The following LINGO2 variants were observed in gnomAD, a reference collection of about 807,000 sequenced individuals.
LINGO2 encodes leucine rich repeat and Ig domain containing 2.
Under a neutral mutation model 30.6 loss-of-function variants are expected in LINGO2, and 14 were observed. The ratio of observed to expected loss-of-function variants is 0.46; its 90% CI spans 0.30 to 0.72. LINGO2 has a LOEUF of 0.72. LINGO2 is among the 30% of genes least tolerant of loss of function. LINGO2 has a pLI of 0.07. For missense variants in LINGO2, 729 were observed against 751.7 expected, an observed-to-expected ratio of 0.97 and a Z score of 0.35; for synonymous variants, 317 against 288.5, an observed-to-expected ratio of 1.10 and a Z score of -1.00.
At chr9:28,454,377 A>G (rs1824762214) in intron 2 of LINGO2, among the ~76,000 whole-genome samples, 1 of 152,012 alleles carries the variant, frequency 6.6e-6, no homozygotes, top group African/African-American at 2.4e-5. Flanking sequence ...ACACAAACAC[A>G]GGCCACCTTC....
intron 1 of LINGO2, among the ~76,000 whole-genome samples, chr9:28,594,455 G>A (rs1185552246): frequency 2.6e-5 from 4 of 151,966 alleles, no homozygotes; most frequent in African/African-American, 9.7e-5. Flanking sequence ...CAAACTGCTT[G>A]CAAATACACT....
At chr9:28,922,307 A>G in the LINGO2 span, among the ~76,000 whole-genome samples, 1 of 152,206 alleles carries the variant, frequency 6.6e-6, no homozygotes, top group African/African-American at 2.4e-5. Flanking sequence ...ATTCTAATAG[A>G]TGAAAGCACC....
chr9:28,711,950 G>A, the LINGO2 span, among the ~76,000 whole-genome samples: 2 of 152,078 alleles, frequency 1.3e-5, no homozygotes, highest in Non-Finnish European at 2.9e-5. Flanking sequence ...CTGGGGACTT[G>A]GTTATCTTCT....
the LINGO2 span, among the ~76,000 whole-genome samples, chr9:28,903,368 T>C: frequency 1.3e-5 from 2 of 152,126 alleles, no homozygotes; most frequent in Non-Finnish European, 2.9e-5. Flanking sequence ...AGAAAGGAGA[T>C]TGAATCAGAA....
intron 1 of LINGO2, among the ~76,000 whole-genome samples, chr9:28,661,042 A>G (rs1318595019): frequency 6.6e-6 from 1 of 152,082 alleles, no homozygotes; most frequent in Admixed American, 6.6e-5. Context: ...CTGCCTTTAT[A>G]GTGTGACCTT....
chr9:28,983,462 T>C, the LINGO2 span, among the ~76,000 whole-genome samples: 1 of 151,752 alleles, frequency 6.6e-6, no homozygotes, highest in Non-Finnish European at 1.5e-5. Flanking sequence ...AAGAAATACA[T>C]AATATAGTAA....
intron 3 of LINGO2, among the ~76,000 whole-genome samples, chr9:28,305,319 G>T (rs1296621423): frequency 1.3e-5 from 2 of 151,944 alleles, no homozygotes; most frequent in African/African-American, 2.4e-5. Flanking sequence ...GAAAAGGCAA[G>T]GATGTCAGCT....
intron 4 of LINGO2, among the ~76,000 whole-genome samples, chr9:28,204,799 G>A (rs1820355473): frequency 6.6e-6 from 1 of 152,158 alleles, no homozygotes; most frequent in African/African-American, 2.4e-5. Flanking sequence ...TTCAAGGGAT[G>A]GGTGGGCACT....
the LINGO2 span, among the ~76,000 whole-genome samples, chr9:29,025,542 T>C: frequency 6.6e-6 from 1 of 152,124 alleles, no homozygotes; most frequent in African/African-American, 2.4e-5. Context: ...TTGAGATTCA[T>C]TTTTTTTCAT....
At chr9:28,045,788 C>CT (rs1239285695) in intron 4 of LINGO2, among the ~76,000 whole-genome samples, 1 of 152,172 alleles carries the variant, frequency 6.6e-6, no homozygotes, top group Non-Finnish European at 1.5e-5. Flanking sequence ...GCCAAATGAA[C>CT]TTACAGCGTG....
At chr9:28,882,708 ACT>A in the LINGO2 span, among the ~76,000 whole-genome samples, 6 of 152,272 alleles carry the variant, frequency 3.9e-5, no homozygotes, top group African/African-American at 1.4e-4. Context: ...CGTGGACCAC[ACT>A]GACACATATT....
At position 28,639,735 on chromosome 9, in the gene LINGO2, C is replaced by T. The variant is rs145185118; in HGVS notation, c.-365+30465G>A. Reference sequence around the variant, plus strand: ...GTGTCTCTGCATGTGAGGTGGGTCTCCTGAATATAGCACACTGATGGGTCT... The same window carrying T: ...GTGTCTCTGCATGTGAGGTGGGTCTTCTGAATATAGCACACTGATGGGTCT... On this transcript the variant is annotated intron_variant, in intron 1 of 5. Coordinates refer to ENST00000379992, the Ensembl canonical transcript of LINGO2. Among the ~76,000 whole-genome samples, 1,410 of 152,242 alleles carry T rather than the reference C, an allele frequency of 9.3e-3. 28 individuals carry two copies. The highest frequency in any genetic ancestry group is 0.08 in the East Asian group (414 of 5,172).
intron 4 of LINGO2, among the ~76,000 whole-genome samples, chr9:28,092,462 C>T (rs10968340): frequency 0.087 from 13,145 of 150,312 alleles, 813 homozygotes; most frequent in Middle Eastern, 0.17. Flanking sequence ...AACCAAACAC[C>T]GCATGTTCTC....
At chr9:28,349,207 C>T (rs951473554) in intron 3 of LINGO2, among the ~76,000 whole-genome samples, 131 of 151,290 alleles carry the variant, frequency 8.7e-4, no homozygotes, top group Non-Finnish European at 1.5e-3. Flanking sequence ...TTCTGAGCTA[C>T]GGGAGGACAT....
the LINGO2 span, among the ~76,000 whole-genome samples, chr9:29,069,851 C>T: frequency 6.6e-6 from 1 of 151,774 alleles, no homozygotes; most frequent in Admixed American, 6.6e-5. Context: ...AATAGATAGC[C>T]AGGACTATAA....
chr9:29,031,209 G>C, the LINGO2 span, among the ~76,000 whole-genome samples: 5 of 152,038 alleles, frequency 3.3e-5, no homozygotes, highest in South Asian at 1.0e-3. Flanking sequence ...TTCATGTTTG[G>C]TTCATATCAA....
chr9:28,537,878 A>G (rs948895991), intron 1 of LINGO2, among the ~76,000 whole-genome samples: 4 of 151,912 alleles, frequency 2.6e-5, no homozygotes, highest in Non-Finnish European at 5.9e-5. Context: ...ATTAAAAAAA[A>G]AAAAAACTTA....
At chr9:28,077,478 A>C (rs1825658624) in intron 4 of LINGO2, among the ~76,000 whole-genome samples, 1 of 152,194 alleles carries the variant, frequency 6.6e-6, no homozygotes, top group African/African-American at 2.4e-5. Context: ...TTATTCACTC[A>C]TGGATTCATT....
chr9:28,893,501 T>C, the LINGO2 span, among the ~76,000 whole-genome samples: 1 of 151,974 alleles, frequency 6.6e-6, no homozygotes, highest in East Asian at 1.9e-4. Flanking sequence ...AAATTGTCCA[T>C]CAGAAAGGCA....
Sources: gnomAD v4.1 joint callset for allele counts (sites outside exome capture counted in the v4.1 genomes callset) on GRCh38, gnomAD v4.1.1 for gene constraint, MANE v1.5 for transcripts, NCBI Gene and HGNC (gene_info 2026-07-23, HGNC 2026-07-21) for gene names.